Variants in MALRD1 observed in about 807,000 individuals in gnomAD.
The protein encoded by MALRD1 is MAM and LDL-receptor class A domain-containing protein 1.
MALRD1 carries 247 observed loss-of-function variants against 242.1 expected under a neutral mutation model. The ratio of observed to expected loss-of-function variants is 1.02; its 90% confidence interval spans 0.92 to 1.13. The LOEUF (loss-of-function observed/expected upper bound fraction) is 1.13, where lower values mean the gene tolerates loss of function less well. Ranked by LOEUF, MALRD1 falls within the 50% of genes most tolerant of loss-of-function variation. The pLI, the probability that MALRD1 is intolerant of heterozygous loss-of-function variation, is 0.00. For missense variants in MALRD1, 2,989 were observed against 2,533.1 expected (o/e 1.18, Z -3.86); for synonymous variants, 995 against 866.6 (o/e 1.15, Z -2.60).
chr10:19,661,375 G>T (rs917060612), intron 36 of MALRD1, among the ~76,000 whole-genome samples: 1 of 152,118 alleles, frequency 6.6e-6, no homozygotes, highest in African/African-American at 2.4e-5. Context: ...GCAAAGACTT[G>T]GAACCAACCC....
intron 28 of MALRD1, among the ~76,000 whole-genome samples, chr10:19,435,526 A>AT (rs1834319646): frequency 6.6e-6 from 1 of 152,060 alleles, no homozygotes; most frequent in Admixed American, 6.6e-5. Context: ...CTGATCAGGT[A>AT]TTTTTTAGAA....
chr10:19,266,103 C>T (rs1839963467), intron 19 of MALRD1, among the ~76,000 whole-genome samples: 1 of 150,736 alleles, frequency 6.6e-6, no homozygotes, highest in African/African-American at 2.4e-5. Context: ...TCTGTGTCCT[C>T]AAAGTGGAAG....
At chr10:19,425,443 CGT>C (rs200160145) in intron 28 of MALRD1, among the ~76,000 whole-genome samples, 3 of 151,974 alleles carry the variant, frequency 2.0e-5, no homozygotes, top group African/African-American at 7.3e-5. Context: ...GAAGTATATA[CGT>C]GTGTGTGTGT....
intron 29 of MALRD1, among the ~76,000 whole-genome samples, chr10:19,463,078 A>G (rs1836025528): frequency 6.6e-6 from 1 of 152,240 alleles, no homozygotes; most frequent in Non-Finnish European, 1.5e-5. Context: ...TTACTAGGAA[A>G]GAGGAAGGGA....
intron 17 of MALRD1, among the ~76,000 whole-genome samples, chr10:19,206,145 G>A (rs1836772955): frequency 6.6e-6 from 1 of 151,182 alleles, no homozygotes. Context: ...TTAAATTTAT[G>A]TTCATGAAAT....
chr10:19,726,392 T>C (rs1835027594), intron 38 of MALRD1, among the ~76,000 whole-genome samples: 1 of 152,106 alleles, frequency 6.6e-6, no homozygotes, highest in Non-Finnish European at 1.5e-5. Flanking sequence ...CACAATTACA[T>C]ACCAATTCAC....
At chr10:19,427,790 A>G (rs1564330665) in intron 28 of MALRD1, among the ~76,000 whole-genome samples, 1 of 152,160 alleles carries the variant, frequency 6.6e-6, no homozygotes, top group East Asian at 1.9e-4. Context: ...GAACATACCT[A>G]CATGAGGGCT....
At chr10:19,300,219 A>G (rs2131953413) in intron 21 of MALRD1, among the ~76,000 whole-genome samples, 1 of 152,088 alleles carries the variant, frequency 6.6e-6, no homozygotes, top group South Asian at 2.1e-4. Context: ...TAAAACAGAG[A>G]TGACACAAGC....
chr10:19,273,278 G>A (rs1840347038), intron 19 of MALRD1, among the ~76,000 whole-genome samples: 1 of 152,102 alleles, frequency 6.6e-6, no homozygotes, highest in African/African-American at 2.4e-5. Flanking sequence ...AGGAATTCAC[G>A]TTCATTGCTG....
At chr10:19,185,720 T>C (rs921206042) in intron 14 of MALRD1, among the ~76,000 whole-genome samples, 1 of 152,162 alleles carries the variant, frequency 6.6e-6, no homozygotes, top group African/African-American at 2.4e-5. Flanking sequence ...TGCATTACTC[T>C]GCACTGAGAC....
intron 21 of MALRD1, among the ~76,000 whole-genome samples, chr10:19,291,772 A>T (rs1291244176): frequency 6.6e-6 from 1 of 151,526 alleles, no homozygotes; most frequent in Non-Finnish European, 1.5e-5. Flanking sequence ...AATTGCTCTA[A>T]GGTCCTTCCA....
At chr10:19,332,612 G>A (rs1260285552) in intron 24 of MALRD1, among the ~76,000 whole-genome samples, 1 of 152,102 alleles carries the variant, frequency 6.6e-6, no homozygotes, top group African/African-American at 2.4e-5. Context: ...CTAGAATATT[G>A]CAGTTTGATA....
chr10:19,065,287 C>CAAAAAAAAA (rs1197670439), intron 1 of MALRD1, among the ~76,000 whole-genome samples: 2 of 50,620 alleles, frequency 4.0e-5, no homozygotes, highest in Admixed American at 2.6e-4. Context: ...AACGCTGTCT[C>CAAAAAAAAA]AAAAAAAAAA....
At chr10:19,335,109 A>T (rs1380314920) in intron 24 of MALRD1, among the ~76,000 whole-genome samples, 1 of 151,928 alleles carries the variant, frequency 6.6e-6, no homozygotes, top group African/African-American at 2.4e-5. Flanking sequence ...AGGCAAAAGT[A>T]ATCATGAACC....
intron 36 of MALRD1, among the ~76,000 whole-genome samples, chr10:19,645,980 G>A (rs1306631591): frequency 6.6e-6 from 1 of 152,026 alleles, no homozygotes; most frequent in Non-Finnish European, 1.5e-5. Context: ...ACAAATTCTG[G>A]TTTGCCTTTG....
At chr10:19,319,326 G>C (rs74358715) in intron 21 of MALRD1, among the ~76,000 whole-genome samples, 1 of 151,966 alleles carries the variant, frequency 6.6e-6, no homozygotes, top group Non-Finnish European at 1.5e-5. Flanking sequence ...TACCAGTCAA[G>C]GTTCATTTTT....
intron 24 of MALRD1, among the ~76,000 whole-genome samples, chr10:19,341,338 G>A (rs941140281): frequency 2.6e-5 from 4 of 151,380 alleles, no homozygotes; most frequent in Non-Finnish European, 4.4e-5. Flanking sequence ...ATAATGAAGT[G>A]AACAATACAT....
intron 36 of MALRD1, among the ~76,000 whole-genome samples, chr10:19,633,007 G>T (rs1839974866): frequency 6.6e-6 from 1 of 152,114 alleles, no homozygotes; most frequent in Non-Finnish European, 1.5e-5. Flanking sequence ...TGAGGCAGGT[G>T]GATCACTTGA....
intron 29 of MALRD1, among the ~76,000 whole-genome samples, chr10:19,476,246 C>T (rs1836724006): frequency 6.6e-6 from 1 of 152,118 alleles, no homozygotes; most frequent in African/African-American, 2.4e-5. Flanking sequence ...CCAAACTTGG[C>T]ATCTCTACGT....
Sources: allele counts gnomAD v4.1 joint callset (sites outside exome capture counted in the v4.1 genomes callset), GRCh38; gene constraint gnomAD v4.1.1; transcripts MANE v1.5; gene names NCBI Gene and HGNC (gene_info 2026-07-23, HGNC 2026-07-21).